Variants in GALNT18 observed in about 807,000 individuals in gnomAD.
GALNT18 encodes the protein polypeptide N-acetylgalactosaminyltransferase 18, also known as GalNAc-transferase 18.
A neutral mutation model predicts 69.5 loss-of-function variants in GALNT18; 44 were observed. The ratio of observed to expected loss-of-function variants is 0.63; its 90% CI spans 0.50 to 0.81. The LOEUF is 0.81. GALNT18 is among the 40% of genes least tolerant of loss of function. GALNT18 has a pLI of 0.00. For missense variants in GALNT18, 715 were observed against 810.0 expected (o/e 0.88, Z 1.42); for synonymous variants, 364 against 318.2 (o/e 1.14, Z -1.53).
intron 1 of GALNT18, among the ~76,000 whole-genome samples, chr11:11,450,100 G>T (rs922258873): frequency 7.9e-5 from 12 of 152,188 alleles, no homozygotes; most frequent in Admixed American, 2.6e-4. Flanking sequence ...ACTGGACAGG[G>T]TCGTCTATGC....
chr11:11,405,833 C>T (rs1050756627), intron 3 of GALNT18, among the ~76,000 whole-genome samples: 1 of 152,206 alleles, frequency 6.6e-6, no homozygotes, highest in Non-Finnish European at 1.5e-5. Flanking sequence ...GCAAGGAGGA[C>T]ATATGGGTGT....
intron 9 of GALNT18, among the ~76,000 whole-genome samples, chr11:11,317,872 G>A (rs545961704): frequency 5.1e-4 from 77 of 152,352 alleles, no homozygotes; most frequent in African/African-American, 1.7e-3. Flanking sequence ...AACAATGAAG[G>A]AGAAACTGGA....
chr11:11,351,473 A>G (rs961457144), intron 6 of GALNT18, among the ~76,000 whole-genome samples: 21 of 152,168 alleles, frequency 1.4e-4, no homozygotes, highest in African/African-American at 4.6e-4. Flanking sequence ...TTGTAAGGGG[A>G]CACAAAATCT....
In GALNT18 at chr11:11,383,050, C is replaced by G. The variant is rs1329976349; in HGVS notation, c.596-3786G>C. On this transcript the variant is annotated intron_variant, in intron 3 of 10. Coordinates refer to ENST00000227756, the MANE Select transcript of GALNT18 (RefSeq NM_198516.3). The surrounding 1 kb of genome is among the most constrained non-coding windows in gnomAD (Gnocchi z 5.2). ...GCTCTCTCCTACTGTCCACAAATCC[C>G]TGATCTCCTGACATTGGAGGGACCT... Among the ~76,000 whole-genome samples, 1 of 152,196 alleles carries G rather than the reference C, an allele frequency of 6.6e-6. No homozygotes were observed. Among genetic ancestry groups the G allele is most frequent in the Non-Finnish European group, 1.5e-5 (1 of 68,046 alleles).
At chr11:11,278,039 C>G (rs61872375) in intron 10 of GALNT18, among the ~76,000 whole-genome samples, 4,838 of 151,618 alleles carry the variant, frequency 0.032, 118 homozygotes, top group Non-Finnish European at 0.049. Flanking sequence ...GAGCTGAGTT[C>G]AAGTCCTGGA....
chr11:11,553,032 G>C (rs1434086995), intron 1 of GALNT18, among the ~76,000 whole-genome samples: 2 of 152,124 alleles, frequency 1.3e-5, no homozygotes, highest in Non-Finnish European at 2.9e-5. Flanking sequence ...TTTTCAAGTA[G>C]TTTTCAAGCT....
intron 1 of GALNT18, among the ~76,000 whole-genome samples, chr11:11,479,827 T>G (rs1232488502): frequency 6.6e-6 from 1 of 152,192 alleles, no homozygotes; most frequent in East Asian, 1.9e-4. Flanking sequence ...AAATTCATCT[T>G]CTGGAAGCCT....
intron 1 of GALNT18, among the ~76,000 whole-genome samples, chr11:11,487,195 T>G (rs1291063727): frequency 6.6e-6 from 1 of 152,218 alleles, no homozygotes; most frequent in African/African-American, 2.4e-5. Context: ...CATGATATTA[T>G]TATAAAAATC....
At chr11:11,374,123 C>T (rs1305993775) in intron 5 of GALNT18, among the ~76,000 whole-genome samples, 1 of 152,166 alleles carries the variant, frequency 6.6e-6, no homozygotes, top group African/African-American at 2.4e-5. Context: ...CCCTCACAGA[C>T]CTGCAGGCAT....
rs1485267402 is a variant in GALNT18 at position 11,463,366 on chromosome 11, A to G, written c.236-14430T>C. Among the ~76,000 whole-genome samples the G allele has an allele frequency of 3.9e-5, 6 of 152,232 alleles. No homozygotes were observed. The highest frequency in any genetic ancestry group is 8.8e-5 in the Non-Finnish European group (6 of 68,044). On this transcript the variant is annotated intron_variant, in intron 1 of 10. Transcript: ENST00000227756. This position sits in a 1 kb window ranked among gnomAD's most constrained non-coding sequence, Gnocchi z 4.2. ...TGTGTCATTTCAAAGATGAGAAAAG[A>G]ACACTTACAAAAACAAACTTGTGAG...
intron 9 of GALNT18, among the ~76,000 whole-genome samples, chr11:11,297,666 GA>G (rs963404912): frequency 3.3e-5 from 5 of 152,174 alleles, no homozygotes; most frequent in African/African-American, 1.2e-4. Flanking sequence ...ACAAAGTTCT[GA>G]GACAGCAGCA....
At chr11:11,440,558 G>A (rs941445456) in intron 2 of GALNT18, among the ~76,000 whole-genome samples, 13 of 152,196 alleles carry the variant, frequency 8.5e-5, no homozygotes, top group Admixed American at 5.2e-4. Flanking sequence ...CTCAGGGCTC[G>A]GCCTCTGACG....
intron 10 of GALNT18, among the ~76,000 whole-genome samples, chr11:11,274,245 G>C: frequency 6.6e-6 from 1 of 152,202 alleles, no homozygotes; most frequent in South Asian, 2.1e-4. Context: ...GCACAAAACA[G>C]GGTGGCTGTT....
chr11:11,363,668 TATAATA>T (rs1489002239), intron 6 of GALNT18, among the ~76,000 whole-genome samples: 3 of 152,196 alleles, frequency 2.0e-5, no homozygotes, highest in Non-Finnish European at 2.9e-5. Context: ...ATTTTAGCTC[TATAATA>T]ATAATAACAA....
At position 11,497,369 on chromosome 11, in the gene GALNT18, CA is replaced by C. The variant is rs1259251182; in HGVS notation, c.236-48434del. 1.0e-3 allele frequency among the ~76,000 whole-genome samples: 145 copies of C among 143,402 alleles called. 1 individual carries two copies. The highest frequency in any genetic ancestry group is 3.5e-3 in the African/African-American group (124 of 35,760). 94.1% of individuals were successfully genotyped at this position (143,402 alleles called of 152,430 possible). On this transcript the variant is annotated intron_variant, in intron 1 of 10. Transcript: ENST00000227756. The surrounding 1 kb of genome is among the most constrained non-coding windows in gnomAD (Gnocchi z 4.2). ...ACACACACACACACACACACACACA[CA>C]CCCCTTAGAATGGGGCTCCTTAAGA...
chr11:11,271,135 C>A lies in GALNT18; in HGVS notation c.*9G>T. ...TAGCAAAGAGGCAGCCGGAAGTGGCCCCGGTGGGTCAGGACGCGAGGCTCC... is the reference window on the plus strand; with the variant it reads ...TAGCAAAGAGGCAGCCGGAAGTGGCACCGGTGGGTCAGGACGCGAGGCTCC... On this transcript the variant is annotated 3_prime_UTR_variant, in exon 11 of 11. Coordinates refer to ENST00000227756, the MANE Select transcript of GALNT18 (RefSeq NM_198516.3). 3.1e-6 allele frequency: 5 copies of A among 1,605,502 alleles called. No individual in the cohort carries two copies. Among genetic ancestry groups the A allele is most frequent in the Non-Finnish European group, 4.3e-6 (5 of 1,173,054 alleles).
In GALNT18 at chr11:11,332,549, A is replaced by C. The variant is rs1297767188; in HGVS notation, c.1416+145T>G. 2 of 785,196 alleles carry C rather than the reference A, an allele frequency of 2.5e-6. No individual in the cohort carries two copies. Among genetic ancestry groups the C allele is most frequent in the Admixed American group, 5.1e-5 (2 of 39,102 alleles). The allele number at this position is 785,196 out of a possible 1,614,324, so 48.6% of individuals were successfully genotyped here. On this transcript the variant is annotated intron_variant, in intron 8 of 10. Coordinates refer to ENST00000227756, the MANE Select transcript of GALNT18 (RefSeq NM_198516.3). The surrounding 1 kb of genome is among the most constrained non-coding windows in gnomAD (Gnocchi z 4.3). ...GCTGTAAAAGTAAAGGCTGTCTTGC[A>C]GGTGCAGAACCCAGCGCCCGGTCCC...
chr11:11,564,815 C>T lies in GALNT18; in HGVS notation c.235+56544G>A, dbSNP rs1347548605. On this transcript the variant is annotated intron_variant, in intron 1 of 10. Transcript: ENST00000227756. This position sits in a 1 kb window ranked among gnomAD's most constrained non-coding sequence, Gnocchi z 4.3. The stretch of plus-strand genomic sequence containing the variant: ...CTATTTAAATTAAATATGTTAATTA[C>T]AATTAAATAAGTCAAACTAGCTACA... Among the ~76,000 whole-genome samples the T allele has an allele frequency of 6.6e-6, 1 of 152,140 alleles. No homozygotes were observed. The highest frequency in any genetic ancestry group is 1.9e-4 in the East Asian group (1 of 5,196).
In GALNT18 at chr11:11,596,854, G is replaced by A. The variant is rs570975893; in HGVS notation, c.235+24505C>T. Among the ~76,000 whole-genome samples, 46 of 152,214 alleles carry A rather than the reference G, an allele frequency of 3.0e-4. No homozygotes were observed. The highest frequency in any genetic ancestry group is 5.9e-4 in the Non-Finnish European group (40 of 67,994). Reference sequence around the variant, plus strand: ...ATATTAAATAGGCGTGATGACAGCAGATATGCTTCTGTTGTTCCTGATACT... The same window carrying A: ...ATATTAAATAGGCGTGATGACAGCAAATATGCTTCTGTTGTTCCTGATACT... On this transcript the variant is annotated intron_variant, in intron 1 of 10. Transcript: ENST00000227756. The surrounding 1 kb of genome is among the most constrained non-coding windows in gnomAD (Gnocchi z 4.2).
Sources: allele counts gnomAD v4.1 joint callset (sites outside exome capture counted in the v4.1 genomes callset), GRCh38; gene constraint gnomAD v4.1.1; non-coding constraint Gnocchi (gnomAD v3.1); transcripts MANE v1.5; gene names NCBI Gene and HGNC (gene_info 2026-07-23, HGNC 2026-07-21).